The following NEGR1 variants were observed in gnomAD, a reference collection of about 807,000 sequenced individuals.
NEGR1 encodes the protein IgLON family member 4.
NEGR1 carries 10 observed loss-of-function variants against 40.9 expected under a neutral mutation model. That is an observed-to-expected ratio of 0.24 (90% CI 0.15 to 0.42). NEGR1 has a LOEUF of 0.42. NEGR1 is among the 10% of genes least tolerant of loss of function. The pLI is 1.00. For synonymous variants in NEGR1, 185 were observed against 166.8 expected, an observed-to-expected ratio of 1.11 and a Z score of -0.84; for missense variants, 352 against 438.9, an observed-to-expected ratio of 0.80 and a Z score of 1.77.
intron 6 of NEGR1, among the ~76,000 whole-genome samples, chr1:71,512,856 A>C (rs1647085394): frequency 6.6e-6 from 1 of 152,230 alleles, no homozygotes; most frequent in African/African-American, 2.4e-5. Context: ...CTGGGATTAC[A>C]GGCGTGAGCC....
chr1:71,605,300 T>A (rs1206987386), intron 5 of NEGR1, among the ~76,000 whole-genome samples: 1 of 152,158 alleles, frequency 6.6e-6, no homozygotes, highest in East Asian at 1.9e-4. Context: ...ACATATCAGT[T>A]GCCTAAAAGC....
At chr1:71,842,360 CAAA>C in intron 2 of NEGR1, among the ~76,000 whole-genome samples, 1 of 152,242 alleles carries the variant, frequency 6.6e-6, no homozygotes, top group Middle Eastern at 3.4e-3. Context: ...AGACAAGATA[CAAA>C]CTCATCATGG....
intron 1 of NEGR1, among the ~76,000 whole-genome samples, chr1:72,086,569 C>T (rs562097421): frequency 6.6e-6 from 1 of 152,184 alleles, no homozygotes; most frequent in Non-Finnish European, 1.5e-5. Context: ...CTCAGATAAC[C>T]TGTTAGGCTT....
chr1:72,268,258 T>C (rs1377946754), intron 1 of NEGR1, among the ~76,000 whole-genome samples: 1 of 151,436 alleles, frequency 6.6e-6, no homozygotes, highest in Non-Finnish European at 1.5e-5. Flanking sequence ...GAACATGAAC[T>C]GTGTCTGACA....
intron 6 of NEGR1, among the ~76,000 whole-genome samples, chr1:71,576,585 G>T (rs1486697582): frequency 6.6e-6 from 1 of 152,180 alleles, no homozygotes; most frequent in East Asian, 1.9e-4. Flanking sequence ...GGGGTAGACT[G>T]TAGTAAAGAC....
intron 6 of NEGR1, among the ~76,000 whole-genome samples, chr1:71,559,522 G>A (rs1181930198): frequency 6.6e-6 from 1 of 151,324 alleles, no homozygotes; most frequent in African/African-American, 2.4e-5. Flanking sequence ...TTCTCTTTTT[G>A]TGATGCACAT....
chr1:71,940,687 C>A (rs537427628), intron 1 of NEGR1, among the ~76,000 whole-genome samples: 2 of 152,086 alleles, frequency 1.3e-5, no homozygotes, highest in East Asian at 1.9e-4. Flanking sequence ...GGGTGAGATG[C>A]TATTTGATCA....
intron 3 of NEGR1, among the ~76,000 whole-genome samples, chr1:71,761,916 T>C (rs1266100805): frequency 1.3e-5 from 2 of 152,076 alleles, no homozygotes; most frequent in African/African-American, 4.8e-5. Context: ...TACAAAATAC[T>C]TTCCTTCTCT....
At chr1:71,563,645 A>AT (rs1417362317) in intron 6 of NEGR1, among the ~76,000 whole-genome samples, 4 of 152,070 alleles carry the variant, frequency 2.6e-5, no homozygotes, top group South Asian at 2.1e-4. Context: ...TAAGAGAAAG[A>AT]TTTTTTTGTC....
chr1:71,729,766 CT>C (rs1654792168), intron 3 of NEGR1, among the ~76,000 whole-genome samples: 1 of 151,804 alleles, frequency 6.6e-6, no homozygotes, highest in Admixed American at 6.6e-5. Context: ...TCCCTAGTAG[CT>C]GGGACCATAG....
chr1:72,036,572 C>G (rs1321802269), intron 1 of NEGR1, among the ~76,000 whole-genome samples: 1 of 150,622 alleles, frequency 6.6e-6, no homozygotes, highest in Non-Finnish European at 1.5e-5. Flanking sequence ...AGAAGAATCT[C>G]TTGAACCTGG....
At chr1:72,110,602 A>G (rs1397462931) in intron 1 of NEGR1, among the ~76,000 whole-genome samples, 1 of 151,656 alleles carries the variant, frequency 6.6e-6, no homozygotes, top group Non-Finnish European at 1.5e-5. Flanking sequence ...ATAAACCCGA[A>G]AAAACTTTCT....
At chr1:71,514,194 G>A (rs28772725) in intron 6 of NEGR1, among the ~76,000 whole-genome samples, 8,426 of 81,074 alleles carry the variant, frequency 0.1, 75 homozygotes, top group African/African-American at 0.2. Flanking sequence ...CAAAGCAGCC[G>A]GGAAGCTCGA....
chr1:72,104,566 C>A (rs1649062348), intron 1 of NEGR1, among the ~76,000 whole-genome samples: 1 of 152,080 alleles, frequency 6.6e-6, no homozygotes, highest in South Asian at 2.1e-4. Flanking sequence ...CTCTGATCTC[C>A]ATAACTTTAA....
chr1:72,274,991 C>G (rs545992064), intron 1 of NEGR1: 3 of 1,535,428 alleles, frequency 2.0e-6, no homozygotes, highest in South Asian at 1.1e-5. Flanking sequence ...ATAGTTAGTA[C>G]GACTGTGGAA....
chr1:71,753,122 A>G (rs187255604), intron 3 of NEGR1, among the ~76,000 whole-genome samples: 2 of 152,260 alleles, frequency 1.3e-5, no homozygotes, highest in Admixed American at 1.3e-4. Flanking sequence ...CTTTCACTCA[A>G]AAATGCAAAC....
chr1:71,937,820 T>C (rs1005389626), intron 1 of NEGR1, among the ~76,000 whole-genome samples: 10 of 152,120 alleles, frequency 6.6e-5, no homozygotes, highest in Admixed American at 6.5e-4. Flanking sequence ...TGTTTTACCA[T>C]GAAAGTCTGA....
intron 5 of NEGR1, among the ~76,000 whole-genome samples, chr1:71,606,234 T>G (rs1044063213): frequency 1.4e-4 from 21 of 152,194 alleles, no homozygotes; most frequent in African/African-American, 5.1e-4. Flanking sequence ...AATACTGGAT[T>G]AAGCTCGTCG....
intron 4 of NEGR1, among the ~76,000 whole-genome samples, chr1:71,675,292 G>A (rs980568918): frequency 6.6e-6 from 1 of 150,448 alleles, no homozygotes; most frequent in Non-Finnish European, 1.5e-5. Flanking sequence ...CACTTTGCAT[G>A]AATACCCAGG....
Sources: allele counts gnomAD v4.1 joint callset (sites outside exome capture counted in the v4.1 genomes callset), GRCh38; gene constraint gnomAD v4.1.1; transcripts MANE v1.5; gene names NCBI Gene and HGNC (gene_info 2026-07-23, HGNC 2026-07-21).